The following PDHX variants were observed in gnomAD, a reference collection of about 807,000 sequenced individuals.
PDHX encodes pyruvate dehydrogenase complex component X.
In PDHX, 33 loss-of-function variants were observed where a neutral mutation model predicts 55.3. That is an observed-to-expected ratio of 0.60 (90% confidence interval 0.45 to 0.80). PDHX has a LOEUF of 0.80. Ranked by LOEUF, PDHX falls within the 30% of genes least tolerant of loss-of-function variation. PDHX has a pLI of 0.00. For missense variants in PDHX, 622 were observed against 619.9 expected (o/e 1.00, Z -0.04); for synonymous variants, 226 against 219.4 (o/e 1.03, Z -0.27).
At chr11:34,991,163 A>T (rs544511811) in intron 9 of PDHX, among the ~76,000 whole-genome samples, 7 of 152,318 alleles carry the variant, frequency 4.6e-5, no homozygotes, top group African/African-American at 1.4e-4. Context: ...AGATTTTTAG[A>T]AATCGCTGTG....
chr11:34,956,014 A>G (rs1036570281), intron 3 of PDHX, among the ~76,000 whole-genome samples: 4 of 152,126 alleles, frequency 2.6e-5, no homozygotes, highest in Non-Finnish European at 4.4e-5. Context: ...ACACTTTTAG[A>G]AGAAAAATAT....
At chr11:34,940,571 T>C (rs1854449738) in intron 2 of PDHX, among the ~76,000 whole-genome samples, 1 of 152,208 alleles carries the variant, frequency 6.6e-6, no homozygotes, top group Non-Finnish European at 1.5e-5. Context: ...GAGGTATAAT[T>C]TACATACCAT....
chr11:34,934,563 T>C (rs1050608875), intron 2 of PDHX, among the ~76,000 whole-genome samples: 1 of 146,774 alleles, frequency 6.8e-6, no homozygotes, highest in Non-Finnish European at 1.5e-5. Context: ...TATTTAATGA[T>C]ATTATGGATT....
Position 34,916,812 on chromosome 11 carries a change from C to A in PDHX, c.157C>A (p.Arg53=). 6.4e-7 allele frequency: 1 copy of A among 1,573,596 alleles called. No individual in the cohort carries two copies. ...ATGGTTTCACAGCACGCAGTGGCTT[C>A]GGGGTGAGTGGCCGGGGCTCGCTCA... is the stretch of plus-strand genomic sequence containing the variant. ...WRWFHSTQWL[R]GDPIKILMPS... The change falls in exon 1 of 11, where the codon CGG becomes AGG. Residue 53 remains arginine, a synonymous_variant. Transcript: ENST00000227868.
At chr11:34,933,994 A>C (rs957699334) in intron 2 of PDHX, among the ~76,000 whole-genome samples, 1 of 152,202 alleles carries the variant, frequency 6.6e-6, no homozygotes, top group Non-Finnish European at 1.5e-5. Flanking sequence ...AAAACGTAAT[A>C]AATGGAAAGA....
At chr11:34,920,137 A>G (rs886497782) in intron 1 of PDHX, among the ~76,000 whole-genome samples, 3 of 152,232 alleles carry the variant, frequency 2.0e-5, no homozygotes, top group Non-Finnish European at 4.4e-5. Flanking sequence ...TCATTATATA[A>G]TTGACACAGC....
chr11:34,986,858 G>A (rs750824662), intron 9 of PDHX, among the ~76,000 whole-genome samples: 4 of 152,130 alleles, frequency 2.6e-5, no homozygotes, highest in Admixed American at 6.5e-5. Context: ...ATGGCTGCCC[G>A]TTAGCTTCTC....
At chr11:34,956,814 AAATAT>A (rs1854914028) in intron 3 of PDHX, among the ~76,000 whole-genome samples, 2 of 152,300 alleles carry the variant, frequency 1.3e-5, no homozygotes, top group South Asian at 4.1e-4. Flanking sequence ...GGAAATAATT[AAATAT>A]AAAGAAGTAG....
chr11:34,942,587 G>A (rs954675769), intron 2 of PDHX, among the ~76,000 whole-genome samples: 4 of 152,114 alleles, frequency 2.6e-5, no homozygotes, highest in African/African-American at 9.7e-5. Flanking sequence ...CTAAATTTTT[G>A]ATCACAGCTG....
intron 9 of PDHX, among the ~76,000 whole-genome samples, chr11:34,988,465 C>T (rs1225254312): frequency 2.0e-5 from 3 of 151,658 alleles, no homozygotes. Context: ...CCCAACCACT[C>T]AGCTTTGCTG....
In PDHX at chr11:34,960,442, C is replaced by G; in HGVS notation, c.565C>G (p.Arg189Gly). ...TAGGTTCCGTTTAAGTCCAGCTGCC[C>G]GCAATATTCTGGAAAAACACTCACT... ...TLRFRLSPAA[R>G]NILEKHSLDA... Residue 189 changes from arginine to glycine, a missense_variant, in exon 5 of 11, where the codon CGC becomes GGC. Transcript: ENST00000227868. 6.2e-7 allele frequency: 1 copy of G among 1,612,826 alleles called. No individual in the cohort carries two copies.
At chr11:34,947,642 A>G in intron 3 of PDHX, 36 bp downstream of exon 3, 3 of 1,345,186 alleles carry the variant, frequency 2.2e-6, no homozygotes, top group Non-Finnish European at 3.2e-6. Flanking sequence ...AACAGGATGA[A>G]GATTTCTTGA....
intron 5 of PDHX, among the ~76,000 whole-genome samples, chr11:34,963,837 TAG>T (rs981945724): frequency 3.3e-5 from 5 of 152,190 alleles, no homozygotes; most frequent in Admixed American, 6.5e-5. Flanking sequence ...AGGCCACAAT[TAG>T]AAGCAGAACA....
chr11:34,923,365 A>G (rs1329575096), intron 1 of PDHX, among the ~76,000 whole-genome samples: 3 of 152,210 alleles, frequency 2.0e-5, no homozygotes, highest in Non-Finnish European at 4.4e-5. Context: ...GGAATATATT[A>G]GCCCTGGTTT....
At chr11:34,936,093 T>C (rs1305497326) in intron 2 of PDHX, among the ~76,000 whole-genome samples, 1 of 152,172 alleles carries the variant, frequency 6.6e-6, no homozygotes, top group Non-Finnish European at 1.5e-5. Context: ...AACAAGTATT[T>C]ACTTGAGAAC....
At chr11:34,988,839 C>T (rs1855703753) in intron 9 of PDHX, among the ~76,000 whole-genome samples, 1 of 152,180 alleles carries the variant, frequency 6.6e-6, no homozygotes, top group South Asian at 2.1e-4. Flanking sequence ...ACTGTACAAG[C>T]TATTTTGAGA....
chr11:34,943,266 A>G (rs1375149537), intron 2 of PDHX, among the ~76,000 whole-genome samples: 1 of 152,270 alleles, frequency 6.6e-6, no homozygotes, highest in African/African-American at 2.4e-5. Context: ...TTTTAAATAA[A>G]TTAGACCTAC....
At chr11:34,984,215 C>T (rs756937897) in intron 8 of PDHX, among the ~76,000 whole-genome samples, 5 of 152,188 alleles carry the variant, frequency 3.3e-5, no homozygotes, top group Non-Finnish European at 7.3e-5. Flanking sequence ...CTCTCCTCCT[C>T]CCCTCAAGAT....
chr11:34,984,095 G>A (rs1019306147), intron 8 of PDHX, among the ~76,000 whole-genome samples: 3 of 152,148 alleles, frequency 2.0e-5, no homozygotes, highest in African/African-American at 7.2e-5. Context: ...CAATGGAACA[G>A]ATATCTCTTT....
Sources: gnomAD v4.1 joint callset for allele counts (sites outside exome capture counted in the v4.1 genomes callset) on GRCh38, gnomAD v4.1.1 for gene constraint, MANE v1.5 for transcripts, NCBI Gene and HGNC (gene_info 2026-07-23, HGNC 2026-07-21) for gene names.